BANP: variants seen among roughly 807,000 people sequenced by gnomAD.
The protein encoded by BANP is BTG3 associated nuclear protein.
BANP carries 11 observed loss-of-function variants against 68.1 expected under a neutral mutation model. The ratio of observed to expected loss-of-function variants is 0.16; its 90% CI spans 0.10 to 0.27. BANP has a LOEUF of 0.27. BANP is among the 10% of genes least tolerant of loss of function. BANP has a pLI of 1.00. For synonymous variants in BANP, 329 were observed against 303.2 expected (o/e 1.09, Z -0.88); for missense variants, 504 against 722.7 (o/e 0.70, Z 3.47).
intron 5 of BANP, among the ~76,000 whole-genome samples, chr16:88,005,566 A>T (rs1462696017): frequency 6.6e-6 from 1 of 152,060 alleles, no homozygotes; most frequent in Non-Finnish European, 1.5e-5. Flanking sequence ...AGCCCTTGGG[A>T]TGATGGCAGC....
At chr16:87,997,063 A>G (rs1051483364) in intron 4 of BANP, among the ~76,000 whole-genome samples, 1 of 152,206 alleles carries the variant, frequency 6.6e-6, no homozygotes, top group Non-Finnish European at 1.5e-5. Flanking sequence ...CTGAAGCAGA[A>G]GAGAAATGGA....
At chr16:87,954,365 TTTC>T (rs1359383476) in intron 1 of BANP, among the ~76,000 whole-genome samples, 1 of 152,240 alleles carries the variant, frequency 6.6e-6, no homozygotes, top group Admixed American at 6.5e-5. Context: ...TTTGTTCTGA[TTTC>T]TTGTTTCCAC....
intron 7 of BANP, among the ~76,000 whole-genome samples, chr16:88,024,848 T>C (rs1409087376): frequency 6.6e-6 from 1 of 152,260 alleles, no homozygotes; most frequent in Non-Finnish European, 1.5e-5. Context: ...ATTTAATAAG[T>C]GTGAGTCAGG....
chr16:88,027,712 C>A, intron 8 of BANP, 62 bp downstream of exon 8: 1 of 1,589,268 alleles, frequency 6.3e-7, no homozygotes, highest in Non-Finnish European at 8.6e-7. Context: ...CCTGGTGGCA[C>A]CCTCAGGGGC....
At chr16:87,954,805 T>C (rs1187263128) in intron 1 of BANP, among the ~76,000 whole-genome samples, 1 of 152,224 alleles carries the variant, frequency 6.6e-6, no homozygotes, top group Non-Finnish European at 1.5e-5. Flanking sequence ...CTATTAAAGA[T>C]GATGTTAATG....
intron 13 of BANP, 149 bp from the exon 14 acceptor site, chr16:88,076,441 C>T (rs2091633317): frequency 3.2e-6 from 2 of 633,516 alleles, no homozygotes; most frequent in South Asian, 2.1e-5. Context: ...TGTACCAAGT[C>T]GGGTGAGCCT....
chr16:87,993,844 G>A (rs1260261918), intron 4 of BANP, among the ~76,000 whole-genome samples: 1 of 152,050 alleles, frequency 6.6e-6, no homozygotes, highest in Admixed American at 6.5e-5. Flanking sequence ...CAGGTGATCC[G>A]CCTGCCTTGG....
intron 1 of BANP, among the ~76,000 whole-genome samples, chr16:87,968,496 A>AT (rs1567609171): frequency 6.6e-6 from 1 of 151,720 alleles, no homozygotes; most frequent in Admixed American, 6.6e-5. Flanking sequence ...AAAAAAAAAA[A>AT]AATAAGTTTA....
At position 88,027,420 on chromosome 16, in the gene BANP, A is replaced by T. The variant is rs544159675; in HGVS notation, c.896-63A>T. The T allele has an allele frequency of 8.3e-5, 132 of 1,592,392 alleles. No homozygotes were observed. In the African/African-American group the frequency reaches 1.7e-3, roughly 20 times the overall value. ...TTCAGCGGGCCCCGGCCCTGCAGCC[A>T]GGCAGCTCCTGGTGGCTGTCCCGAA... On this transcript the variant is annotated intron_variant, in intron 7 of 13. Transcript: ENST00000682872.
intron 4 of BANP, among the ~76,000 whole-genome samples, chr16:87,999,207 A>T (rs77140922): frequency 0.011 from 557 of 50,256 alleles, no homozygotes; most frequent in African/African-American, 0.022. Flanking sequence ...TGTACTTACC[A>T]GGCCTTCCAG....
chr16:88,027,426 C>T, intron 7 of BANP, 57 bp from the exon 8 acceptor site: 4 of 1,599,000 alleles, frequency 2.5e-6, no homozygotes, highest in East Asian at 2.2e-5. Flanking sequence ...AGCCAGGCAG[C>T]TCCTGGTGGC....
chr16:87,964,634 G>C (rs953371750), intron 1 of BANP, among the ~76,000 whole-genome samples: 2 of 152,224 alleles, frequency 1.3e-5, no homozygotes, highest in Non-Finnish European at 2.9e-5. Context: ...GGCATAGCCT[G>C]GCACGTGTTT....
chr16:87,968,484 C>A (rs373097395), intron 1 of BANP, among the ~76,000 whole-genome samples: 134 of 128,652 alleles, frequency 1.0e-3, no homozygotes, highest in Admixed American at 1.4e-3. Flanking sequence ...AACTCTGTCT[C>A]AAAAAAAAAA....
At chr16:88,016,972 A>G (rs572912523) in intron 6 of BANP, among the ~76,000 whole-genome samples, 3 of 152,230 alleles carry the variant, frequency 2.0e-5, no homozygotes, top group Non-Finnish European at 4.4e-5. Flanking sequence ...CAGGGTGACC[A>G]GCCCTGCCCT....
At position 88,035,251 on chromosome 16, in the gene BANP, C is replaced by T. The variant is rs1242717259; in HGVS notation, c.1201-72C>T. 1.3e-5 allele frequency: 17 copies of T among 1,315,206 alleles called. No individual in the cohort carries two copies. The East Asian group carries it at 3.8e-4, about 29-fold the overall frequency. 81.5% of individuals were successfully genotyped at this position (1,315,206 alleles called of 1,614,324 possible). On this transcript the variant is annotated intron_variant, in intron 9 of 13. Transcript: ENST00000682872. ...AAACAGATAATCAAGAACAAACATT[C>T]CGGAAGATGTTTCTTGTTTCCTTTG...
At chr16:87,990,394 AACTG>A (rs1166523931) in intron 4 of BANP, among the ~76,000 whole-genome samples, 7 of 152,192 alleles carry the variant, frequency 4.6e-5, no homozygotes, top group Non-Finnish European at 1.5e-5. Flanking sequence ...TTTTCCTCAG[AACTG>A]ACTGTTGACC....
chr16:88,040,908 A>T (rs1469487494), intron 11 of BANP, among the ~76,000 whole-genome samples: 4 of 152,224 alleles, frequency 2.6e-5, no homozygotes, highest in Non-Finnish European at 4.4e-5. Context: ...TTCCCTTCTG[A>T]TTCCCTAGTT....
Position 87,951,438 on chromosome 16 carries a change from C to A in BANP, c.-146C>A, listed in dbSNP as rs1243215150. ...AGGGGCTCGCGGCGCCTGCGCAGAG[C>A]GGCGGCTTCTCTCGCGAGGACGGAC... On this transcript the variant is annotated 5_prime_UTR_variant, in exon 1 of 14. Transcript: ENST00000682872. 1.3e-5 allele frequency: 2 copies of A among 151,962 alleles called. No individual in the cohort carries two copies. Among genetic ancestry groups the A allele is most frequent in the Non-Finnish European group, 2.9e-5 (2 of 67,870 alleles). 9.4% of individuals were successfully genotyped at this position (151,962 alleles called of 1,614,324 possible).
rs997737552 is a variant in BANP at position 88,018,963 on chromosome 16, C to T, written c.895+296C>T. On this transcript the variant is annotated intron_variant, in intron 7 of 13. Coordinates refer to ENST00000682872, the MANE Select transcript of BANP (RefSeq NM_001386991.1). This position sits in a 1 kb window ranked among gnomAD's most constrained non-coding sequence, Gnocchi z 7.7. Reference sequence around the variant, plus strand: ...CCTCGCCTCCTGTCTGTAGGCCACTCTTGAGGAAGAGAGAGGAGGAGGAGA... The same window carrying T: ...CCTCGCCTCCTGTCTGTAGGCCACTTTTGAGGAAGAGAGAGGAGGAGGAGA... Among the ~76,000 whole-genome samples, 2 of 152,194 alleles carry T rather than the reference C, an allele frequency of 1.3e-5. No homozygotes were observed. Among genetic ancestry groups the T allele is most frequent in the Admixed American group, 6.5e-5 (1 of 15,290 alleles).
Sources: allele counts gnomAD v4.1 joint callset (sites outside exome capture counted in the v4.1 genomes callset), GRCh38; gene constraint gnomAD v4.1.1; non-coding constraint Gnocchi (gnomAD v3.1); transcripts MANE v1.5; gene names NCBI Gene and HGNC (gene_info 2026-07-23, HGNC 2026-07-21).